The following SLC4A4 variants were observed in gnomAD, a reference collection of about 807,000 sequenced individuals.
SLC4A4 encodes solute carrier family 4 member 4.
Under a neutral mutation model 111.5 loss-of-function variants are expected in SLC4A4, and 27 were observed. The ratio of observed to expected loss-of-function variants is 0.24; its 90% CI spans 0.18 to 0.33. The LOEUF is 0.33. Ranked by LOEUF, SLC4A4 falls within the 10% of genes least tolerant of loss-of-function variation. The pLI is 1.00. For missense variants in SLC4A4, 909 were observed against 1,315.5 expected, an observed-to-expected ratio of 0.69 and a Z score of 4.78; for synonymous variants, 443 against 463.4, an observed-to-expected ratio of 0.96 and a Z score of 0.57.
chr4:71,461,564 A>G (rs1191702846), intron 12 of SLC4A4, among the ~76,000 whole-genome samples: 2 of 152,200 alleles, frequency 1.3e-5, no homozygotes, highest in African/African-American at 4.8e-5. Flanking sequence ...TGCCTTAGCC[A>G]TGACAGGTAT....
At chr4:71,156,122 A>G (rs1744455932) in intron 2 of SLC4A4, among the ~76,000 whole-genome samples, 1 of 152,210 alleles carries the variant, frequency 6.6e-6, no homozygotes, top group Non-Finnish European at 1.5e-5. Flanking sequence ...GGGAATGATG[A>G]TGCAGGGCAT....
intron 3 of SLC4A4, among the ~76,000 whole-genome samples, chr4:71,286,023 G>A (rs1454129724): frequency 6.6e-6 from 1 of 152,120 alleles, no homozygotes; most frequent in Non-Finnish European, 1.5e-5. Context: ...TGGATCACGA[G>A]GTCAGAAGAT....
In SLC4A4 at chr4:71,395,967, T is replaced by C. The variant is rs545845414; in HGVS notation, c.731-1610T>C. Among the ~76,000 whole-genome samples, 230 of 152,248 alleles carry C rather than the reference T, an allele frequency of 1.5e-3. 1 individual carries two copies. Among genetic ancestry groups the C allele is most frequent in the African/African-American group, 5.4e-3 (226 of 41,582 alleles). On this transcript the variant is annotated intron_variant, in intron 6 of 25. Transcript: ENST00000264485. ...TTACTCAGTTAGTCCAAATAGCTGGTTTTGTTTTTAAATGTCAAGTGCAAA... is the reference window on the plus strand; with the variant it reads ...TTACTCAGTTAGTCCAAATAGCTGGCTTTGTTTTTAAATGTCAAGTGCAAA...
intron 20 of SLC4A4, among the ~76,000 whole-genome samples, chr4:71,548,607 A>G (rs1454209049): frequency 2.0e-5 from 3 of 152,020 alleles, no homozygotes; most frequent in East Asian, 3.9e-4. Context: ...CATGGACCTA[A>G]CAGCTATAAA....
chr4:71,360,213 CT>C (rs1412482839), intron 6 of SLC4A4, among the ~76,000 whole-genome samples: 1 of 152,072 alleles, frequency 6.6e-6, no homozygotes, highest in Admixed American at 6.6e-5. Context: ...GGTAGAAATA[CT>C]GTTAAATAGT....
intron 7 of SLC4A4, among the ~76,000 whole-genome samples, chr4:71,410,809 C>T (rs1478892653): frequency 1.3e-5 from 2 of 152,104 alleles, no homozygotes; most frequent in Non-Finnish European, 2.9e-5. Context: ...ATTAGTTCCA[C>T]AGGAGTATAT....
intron 16 of SLC4A4, among the ~76,000 whole-genome samples, chr4:71,511,459 G>A (rs184959154): frequency 6.6e-6 from 1 of 151,724 alleles, no homozygotes; most frequent in African/African-American, 2.4e-5. Flanking sequence ...TTTTTAAGGT[G>A]TCTTTAGTAT....
chr4:71,567,941 T>A lies in SLC4A4; in HGVS notation c.*190T>A. ...GACATTTGTTGTTAATGTCATTTGT[T>A]TTTGTTTGGCTGTTTGTTTATTTTT... On this transcript the variant is annotated 3_prime_UTR_variant, in exon 26 of 26. Coordinates refer to ENST00000264485, the MANE Select transcript of SLC4A4 (RefSeq NM_001098484.3). 1 of 1,129,906 alleles carries A rather than the reference T, an allele frequency of 8.9e-7. No homozygotes were observed. The highest frequency in any genetic ancestry group is 1.3e-6 in the Non-Finnish European group (1 of 780,102). 70.0% of individuals were successfully genotyped at this position (1,129,906 alleles called of 1,614,324 possible).
intron 14 of SLC4A4, among the ~76,000 whole-genome samples, chr4:71,483,926 A>G (rs1419663776): frequency 9.5e-6 from 1 of 105,642 alleles, no homozygotes; most frequent in Non-Finnish European, 2.6e-5. Context: ...ATGATCATTG[A>G]TGTTGAGCTT....
At chr4:71,448,028 GTTCAAAGTCA>G in intron 9 of SLC4A4, among the ~76,000 whole-genome samples, 1 of 151,912 alleles carries the variant, frequency 6.6e-6, no homozygotes, top group Non-Finnish European at 1.5e-5. Flanking sequence ...TCTTTAAAAA[GTTCAAAGTCA>G]GCTGGGCATG....
Position 71,138,215 on chromosome 4 carries a change from G to A in SLC4A4, c.-2+45423G>A, listed in dbSNP as rs373766227. 2.1e-4 allele frequency among the ~76,000 whole-genome samples: 32 copies of A among 152,252 alleles called. No homozygotes were observed. The South Asian group carries it at 2.3e-3, about 11-fold the overall frequency. ...AGAGGGGTCAATAAGTGAACTCTTC[G>A]TGGAGGCCAGTGTTATCACCTCTAT... On this transcript the variant is annotated intron_variant, in intron 2 of 26. Coordinates refer to the SLC4A4 transcript ENST00000649996.
chr4:71,283,353 A>G (rs1380547204), intron 3 of SLC4A4, among the ~76,000 whole-genome samples: 1 of 152,162 alleles, frequency 6.6e-6, no homozygotes, highest in Non-Finnish European at 1.5e-5. Context: ...GCAATAGCTG[A>G]GATGTGGGCA....
intron 2 of SLC4A4, among the ~76,000 whole-genome samples, chr4:71,158,131 GTGTGTGTGTGTC>G: frequency 6.6e-6 from 1 of 151,128 alleles, no homozygotes; most frequent in Non-Finnish European, 1.5e-5. Flanking sequence ...GTGTGTGTGT[GTGTGTGTGTGTC>G]TCTCTCTCTC....
At chr4:71,562,207 C>T (rs1737047482) in intron 23 of SLC4A4, among the ~76,000 whole-genome samples, 1 of 151,762 alleles carries the variant, frequency 6.6e-6, no homozygotes, top group South Asian at 2.1e-4. Context: ...CTTCATCCTA[C>T]CCTTTCCAAA....
chr4:71,177,071 C>A (rs1020869239), intron 2 of SLC4A4, among the ~76,000 whole-genome samples: 1 of 152,066 alleles, frequency 6.6e-6, no homozygotes, highest in African/African-American at 2.4e-5. Context: ...ACATATCCAG[C>A]CAAACTAAGC....
At chr4:71,387,841 C>T (rs1718897804) in intron 6 of SLC4A4, among the ~76,000 whole-genome samples, 1 of 152,122 alleles carries the variant, frequency 6.6e-6, no homozygotes, top group Non-Finnish European at 1.5e-5. Context: ...AATTCTTCCA[C>T]TCATCTGAAT....
At chr4:71,375,109 G>A (rs187155054) in intron 6 of SLC4A4, among the ~76,000 whole-genome samples, 7 of 152,172 alleles carry the variant, frequency 4.6e-5, no homozygotes, top group African/African-American at 1.7e-4. Context: ...ATTTCCTTTT[G>A]CTTAGTCTGA....
chr4:71,376,793 T>C (rs1054298863), intron 6 of SLC4A4, among the ~76,000 whole-genome samples: 4 of 151,866 alleles, frequency 2.6e-5, no homozygotes, highest in South Asian at 2.1e-4. Flanking sequence ...TGCGCCACCA[T>C]GCCCAGCTAA....
rs773069537 is a variant in SLC4A4 at position 71,486,874 on chromosome 4, A to AGGTT, written c.1904-74_1904-73insGGTT. ...TTTACTGTATAACCCTGCTTTTAAA[A>AGGTT]ATACCTAATTATGCATTTAAGGTCT... On this transcript the variant is annotated intron_variant, in intron 14 of 25. Coordinates refer to ENST00000264485, the MANE Select transcript of SLC4A4 (RefSeq NM_001098484.3). 0.1 allele frequency: 89,894 copies of AGGTT among 885,372 alleles called. 5,557 individuals are homozygous for AGGTT. Among genetic ancestry groups the AGGTT allele is most frequent in the African/African-American group, 0.22 (12,742 of 58,426 alleles). 54.8% of individuals were successfully genotyped at this position (885,372 alleles called of 1,614,324 possible).
Sources: allele counts gnomAD v4.1 joint callset (sites outside exome capture counted in the v4.1 genomes callset), GRCh38; gene constraint gnomAD v4.1.1; transcripts MANE v1.5; gene names NCBI Gene and HGNC (gene_info 2026-07-23, HGNC 2026-07-21).